Variants in PLIN3 observed in about 807,000 individuals in gnomAD.
PLIN3 encodes perilipin 3.
A neutral mutation model predicts 35.9 loss-of-function variants in PLIN3; 30 were observed. The ratio of observed to expected loss-of-function variants is 0.84; its 90% CI spans 0.62 to 1.13. The LOEUF (loss-of-function observed/expected upper bound fraction) is 1.13, where lower values mean the gene tolerates loss of function less well. Among genes scored for constraint, PLIN3 ranks in the 50% most tolerant of loss-of-function variants. The pLI is 0.00. For missense variants in PLIN3, 603 were observed against 596.9 expected, an observed-to-expected ratio of 1.01 and a Z score of -0.11; for synonymous variants, 261 against 262.5, an observed-to-expected ratio of 0.99 and a Z score of 0.06.
chr19:4,847,821 T>C lies in PLIN3; in HGVS notation c.704A>G (p.Tyr235Cys), dbSNP rs2030156166. ...CGACAGGGAGCCCAGACGTACGAAG[T>C]AGCTCTGTTCCTGCCGCTGCTGCTG... ...SVQQQRQEQS[Y>C]FVRLGSLSER... The change falls in exon 6 of 8, where the codon TAC (tyrosine) becomes TGC (cysteine). Residue 235 changes from tyrosine to cysteine, a missense_variant. Tyr to Cys is a radical substitution (Grantham distance 194). Transcript: ENST00000221957. 1.2e-6 allele frequency: 2 copies of C among 1,613,796 alleles called. No homozygotes were observed. The highest frequency in any genetic ancestry group is 2.2e-5 in the South Asian group (2 of 91,074).
chr19:4,841,604 T>TAA (rs370959554), intron 7 of PLIN3, among the ~76,000 whole-genome samples: 236 of 140,874 alleles, frequency 1.7e-3, no homozygotes, highest in Non-Finnish European at 1.6e-3. Flanking sequence ...ATAAAACTGT[T>TAA]AAAAAAAAAA....
At position 4,847,856 on chromosome 19, in the gene PLIN3, G is replaced by A. The variant is rs10406652; in HGVS notation, c.669C>T (p.Val223=). Residue 223 remains valine (V), a synonymous_variant, in exon 6 of 8, where the codon GTC becomes GTT. Coordinates refer to ENST00000221957, the MANE Select transcript of PLIN3 (RefSeq NM_005817.5). The part of the protein sequence containing the change: ...RIATSLDGFD[V]ASVQQQRQEQ... ...CCTGCCGCTGCTGCTGCACGGACGC[G>A]ACGTCAAAGCCATCCAGGGATGTGG... The A allele has an allele frequency of 0.13, 205,044 of 1,613,278 alleles. 13,706 individuals carry two copies. Among genetic ancestry groups the A allele is most frequent in the Middle Eastern group, 0.17 (1,001 of 6,056 alleles).
chr19:4,853,719 G>C (rs961703570), intron 4 of PLIN3, among the ~76,000 whole-genome samples: 1 of 151,714 alleles, frequency 6.6e-6, no homozygotes. Flanking sequence ...AGGCTGAGGC[G>C]GGAGAATCCC....
chr19:4,844,918 G>C, intron 6 of PLIN3, 125 bp from the exon 7 acceptor site: 1 of 1,156,926 alleles, frequency 8.6e-7, no homozygotes. Flanking sequence ...GAAAGGGAGG[G>C]AGGGAGGAAG....
intron 1 of PLIN3, among the ~76,000 whole-genome samples, chr19:4,863,963 C>T (rs760917824): frequency 1.3e-4 from 19 of 151,984 alleles, no homozygotes; most frequent in Admixed American, 9.2e-4. Flanking sequence ...GACGGATTTC[C>T]GCTCTGTCGC....
chr19:4,866,464 G>A (rs1488965685), intron 1 of PLIN3, among the ~76,000 whole-genome samples: 1 of 152,136 alleles, frequency 6.6e-6, no homozygotes, highest in African/African-American at 2.4e-5. Context: ...TGGAGGAGAC[G>A]CTGCTCCGGG....
rs538020965 is a variant in PLIN3 at position 4,844,681 on chromosome 19, G to A, written c.947C>T (p.Pro316Leu). The A allele has an allele frequency of 5.3e-5, 86 of 1,609,666 alleles. No individual in the cohort carries two copies. In the East Asian group the frequency reaches 5.8e-4, roughly 11 times the overall value. Residue 316 changes from proline (P) to leucine (L), a missense_variant, in exon 7 of 8, where the codon CCG (proline) becomes CTG (leucine). By Grantham distance (98) the Pro-to-Leu change is moderately conservative. Coordinates refer to ENST00000221957, the MANE Select transcript of PLIN3 (RefSeq NM_005817.5). ...QKQLQGPEKE[P>L]PKPEQVESRA... ...CCTCATGGGTACCTCTGGCTTGGGC[G>A]GCTCCTTCTCGGGGCCCTGGAGCTG...
At chr19:4,863,274 GA>G (rs2030733499) in intron 1 of PLIN3, among the ~76,000 whole-genome samples, 1 of 151,738 alleles carries the variant, frequency 6.6e-6, no homozygotes, top group South Asian at 2.1e-4. Context: ...AAGGCGGGTG[GA>G]TCACCTGAGG....
At chr19:4,860,137 GT>G in intron 2 of PLIN3, 113 bp from the exon 3 acceptor site, 1 of 843,600 alleles carries the variant, frequency 1.2e-6, no homozygotes, top group Non-Finnish European at 2.0e-6. Flanking sequence ...AAACGGCTCA[GT>G]TTACCCACAC....
chr19:4,849,616 CAT>C (rs893571617), intron 5 of PLIN3, among the ~76,000 whole-genome samples: 1 of 151,786 alleles, frequency 6.6e-6, no homozygotes, highest in African/African-American at 2.4e-5. Flanking sequence ...TTCGTAGGTT[CAT>C]ATGTGTATAT....
intron 6 of PLIN3, among the ~76,000 whole-genome samples, chr19:4,846,250 C>T (rs2030091826): frequency 6.6e-6 from 1 of 150,724 alleles, no homozygotes; most frequent in African/African-American, 2.4e-5. Context: ...GATGGGTGCA[C>T]CTAAGAGGCT....
chr19:4,845,318 C>G (rs1490872164), intron 6 of PLIN3, among the ~76,000 whole-genome samples: 1 of 152,052 alleles, frequency 6.6e-6, no homozygotes, highest in Non-Finnish European at 1.5e-5. Context: ...CCCAGCTACT[C>G]AGGAGGCTGA....
chr19:4,864,443 C>A (rs1017748934), intron 1 of PLIN3, among the ~76,000 whole-genome samples: 2 of 140,708 alleles, frequency 1.4e-5, no homozygotes, highest in Non-Finnish European at 3.2e-5. Context: ...TCACTGCACT[C>A]AGCCGTGGTT....
At chr19:4,865,096 G>A (rs575184987) in intron 1 of PLIN3, among the ~76,000 whole-genome samples, 1 of 152,262 alleles carries the variant, frequency 6.6e-6, no homozygotes, top group Admixed American at 6.6e-5. Context: ...GGAGACTGAG[G>A]CAGGGGAATT....
chr19:4,864,451 G>GTT (rs749341058), intron 1 of PLIN3, among the ~76,000 whole-genome samples: 7 of 127,944 alleles, frequency 5.5e-5, no homozygotes, highest in Admixed American at 8.0e-5. Context: ...CTCAGCCGTG[G>GTT]TTTGTTTTTT....
In PLIN3 at chr19:4,844,780, T is replaced by C; in HGVS notation, c.848A>G (p.Lys283Arg). 1 of 1,599,852 alleles carries C rather than the reference T, an allele frequency of 6.3e-7. No individual in the cohort carries two copies. Among genetic ancestry groups the C allele is most frequent in the Non-Finnish European group, 8.5e-7 (1 of 1,173,386 alleles). The change falls in exon 7 of 8, where the codon AAG becomes AGG. Residue 283 changes from lysine (K) to arginine (R), a missense_variant. By Grantham distance (26) the Lys-to-Arg change is conservative (BLOSUM62 2). Coordinates refer to ENST00000221957, the MANE Select transcript of PLIN3 (RefSeq NM_005817.5). ...SQVLSLMETV[K>R]QGVDQKLVEG... ...CACCAGCTTCTGATCAACGCCTTGCTTGACAGTTTCCATCTGGGGCAGGGG... is the reference window on the plus strand; with the variant it reads ...CACCAGCTTCTGATCAACGCCTTGCCTGACAGTTTCCATCTGGGGCAGGGG...
chr19:4,839,552 G>C lies in PLIN3; in HGVS notation c.961-16C>G. ...ACTCGACCTGCTGAGAAGGGAGATG[G>C]GGACACCAATCAGGACCATTTGTTT... On this transcript the variant is annotated splice_polypyrimidine_tract_variant and intron_variant, in intron 7 of 7. Transcript: ENST00000221957. 6.7e-7 allele frequency: 1 copy of C among 1,501,414 alleles called. No homozygotes were observed. Among genetic ancestry groups the C allele is most frequent in the Middle Eastern group, 1.8e-4 (1 of 5,552 alleles). The allele number at this position is 1,501,414 out of a possible 1,614,324, so 93.0% of individuals were successfully genotyped here. A position where few individuals can be genotyped will look rare whatever the true frequency, so the allele number is the denominator to read the frequency against.
chr19:4,859,386 G>A (rs1169062924), intron 4 of PLIN3, among the ~76,000 whole-genome samples: 2 of 152,128 alleles, frequency 1.3e-5, no homozygotes, highest in East Asian at 1.9e-4. Flanking sequence ...GATGGGCATG[G>A]TTGCAGGCGC....
intron 4 of PLIN3, among the ~76,000 whole-genome samples, chr19:4,852,616 C>A (rs1049580844): frequency 6.6e-6 from 1 of 152,056 alleles, no homozygotes; most frequent in African/African-American, 2.4e-5. Flanking sequence ...GAAAGTCACT[C>A]TACCTCCCTG....
Sources: allele counts gnomAD v4.1 joint callset (sites outside exome capture counted in the v4.1 genomes callset), GRCh38; gene constraint gnomAD v4.1.1; transcripts MANE v1.5; gene names NCBI Gene and HGNC (gene_info 2026-07-23, HGNC 2026-07-21).